The following SNAP25 variants were observed in gnomAD, a reference collection of about 807,000 sequenced individuals.
SNAP25 encodes the protein synaptosomal-associated protein 25.
SNAP25 carries 3 observed loss-of-function variants against 28.7 expected under a neutral mutation model. The ratio of observed to expected loss-of-function variants is 0.10; its 90% CI spans 0.05 to 0.27. The LOEUF (loss-of-function observed/expected upper bound fraction) is 0.27. Ranked by LOEUF, SNAP25 falls within the 10% of genes least tolerant of loss-of-function variation. The probability of loss-of-function intolerance (pLI) is 1.00; values close to 1 mark genes in which losing one functional copy is unlikely to be tolerated. For missense variants in SNAP25, 117 were observed against 278.7 expected (o/e 0.42, Z 4.13); for synonymous variants, 61 against 88.1 (o/e 0.69, Z 1.72).
chr20:10,277,777 A>G (rs776216639), intron 3 of SNAP25, 51 bp downstream of exon 3: 1 of 1,511,320 alleles, frequency 6.6e-7, no homozygotes, highest in South Asian at 1.1e-5. Context: ...TTATGCTGAT[A>G]CATCCTTTCC....
Position 10,293,062 on chromosome 20 carries a change from T to G in SNAP25, c.164-99T>G. The G allele has an allele frequency of 3.4e-6, 5 of 1,456,876 alleles. No individual in the cohort carries two copies. Among genetic ancestry groups the G allele is most frequent in the Non-Finnish European group, 4.7e-6 (5 of 1,070,138 alleles). 90.2% of individuals were successfully genotyped at this position (1,456,876 alleles called of 1,614,324 possible). A position where few individuals can be genotyped will look rare whatever the true frequency, so the allele number is the denominator to read the frequency against. ...GTTTTCTTTCTTTTTTTTTTTTTCT[T>G]TTTTAATGTCAAAGTGAATGTCTGA... On this transcript the variant is annotated intron_variant, in intron 4 of 7. Coordinates refer to ENST00000254976, the MANE Select transcript of SNAP25 (RefSeq NM_130811.4). This position sits in a 1 kb window ranked among gnomAD's most constrained non-coding sequence, Gnocchi z 5.6.
intron 4 of SNAP25, among the ~76,000 whole-genome samples, chr20:10,285,993 A>G (rs1044378459): frequency 2.0e-5 from 3 of 152,200 alleles, no homozygotes; most frequent in Non-Finnish European, 2.9e-5. Context: ...TAATTTGAAA[A>G]TATCTTCACA....
In SNAP25 at chr20:10,254,712, T is replaced by C. The variant is rs181204806; in HGVS notation, c.-63-20717T>C. ...AAACCAGATGGGAAGACACAGGCCT[T>C]GCGGTAAATGGAGAAAACAGCAATT... is the stretch of plus-strand genomic sequence containing the variant. On this transcript the variant is annotated intron_variant, in intron 1 of 7. Coordinates refer to ENST00000254976, the MANE Select transcript of SNAP25 (RefSeq NM_130811.4). Among the ~76,000 whole-genome samples, 7 of 152,278 alleles carry C rather than the reference T, an allele frequency of 4.6e-5. No individual in the cohort carries two copies. In the East Asian group the frequency reaches 1.4e-3, roughly 29 times the overall value.
At chr20:10,260,698 CACACACACACACACACACACACACAA>C (rs2063396182) in intron 1 of SNAP25, among the ~76,000 whole-genome samples, 1 of 41,726 alleles carries the variant, frequency 2.4e-5, no homozygotes, top group Non-Finnish European at 4.7e-5. Flanking sequence ...TACACACACA[CACACACACACACACACACACACACAA>C]ACACACACAC....
At chr20:10,301,890 T>TTA (rs199655868) in intron 7 of SNAP25, among the ~76,000 whole-genome samples, 5,515 of 139,424 alleles carry the variant, frequency 0.04, 245 homozygotes, top group African/African-American at 0.12. Flanking sequence ...AATATATATA[T>TTA]TATATGTATA....
At chr20:10,252,947 T>C (rs2063257828) in intron 1 of SNAP25, among the ~76,000 whole-genome samples, 1 of 152,040 alleles carries the variant, frequency 6.6e-6, no homozygotes, top group African/African-American at 2.4e-5. Context: ...ATAATAGATC[T>C]CTGTTTCATA....
rs1011897745 is a variant in SNAP25, at chr20:10,276,261, C to A, written c.72+698C>A. On this transcript the variant is annotated intron_variant, in intron 2 of 7. Coordinates refer to ENST00000254976, the MANE Select transcript of SNAP25 (RefSeq NM_130811.4). Reference sequence around the variant, plus strand: ...GCCAAGAGTTCATGACCAGCCTGAGCAACATAGAGAGACTCCCATCTCTAA... The same window carrying A: ...GCCAAGAGTTCATGACCAGCCTGAGAAACATAGAGAGACTCCCATCTCTAA... Among the ~76,000 whole-genome samples the A allele has an allele frequency of 2.0e-5, 3 of 152,084 alleles. No homozygotes were observed. The South Asian group carries it at 6.3e-4, about 32-fold the overall frequency.
chr20:10,279,515 A>C (rs1010448350), intron 3 of SNAP25, among the ~76,000 whole-genome samples: 4 of 152,322 alleles, frequency 2.6e-5, no homozygotes, highest in African/African-American at 9.6e-5. Flanking sequence ...AAAACAAATG[A>C]ATCAGAACGC....
chr20:10,259,009 T>C (rs1390627419), intron 1 of SNAP25, among the ~76,000 whole-genome samples: 1 of 152,182 alleles, frequency 6.6e-6, no homozygotes, highest in Non-Finnish European at 1.5e-5. Context: ...TTTAACTGCT[T>C]AGTAGGTTGG....
intron 1 of SNAP25, among the ~76,000 whole-genome samples, chr20:10,265,546 T>C (rs886918370): frequency 6.6e-6 from 1 of 152,216 alleles, no homozygotes; most frequent in African/African-American, 2.4e-5. Context: ...TTCTAATAAC[T>C]ATCTTCTCTT....
chr20:10,254,133 G>C (rs363051), intron 1 of SNAP25, among the ~76,000 whole-genome samples: 1 of 152,204 alleles, frequency 6.6e-6, no homozygotes, highest in Non-Finnish European at 1.5e-5. Flanking sequence ...CCATTGCATA[G>C]CTTCTGCATG....
chr20:10,300,447 T>C (rs1211419788), intron 7 of SNAP25, among the ~76,000 whole-genome samples: 1 of 152,190 alleles, frequency 6.6e-6, no homozygotes, highest in Non-Finnish European at 1.5e-5. Flanking sequence ...CTACTCAATG[T>C]GGGTAACTTA....
intron 1 of SNAP25, among the ~76,000 whole-genome samples, chr20:10,257,542 G>A (rs549852051): frequency 2.2e-4 from 33 of 152,206 alleles, no homozygotes; most frequent in South Asian, 6.2e-4. Context: ...GAGAAACCCC[G>A]TCTCTACTAA....
chr20:10,256,209 AGTTT>A (rs1410147214), intron 1 of SNAP25, among the ~76,000 whole-genome samples: 1 of 152,234 alleles, frequency 6.6e-6, no homozygotes, highest in African/African-American at 2.4e-5. Flanking sequence ...TACTTAAACT[AGTTT>A]GTTAGTAGTT....
At chr20:10,297,624 A>G (rs763814569) in intron 6 of SNAP25, among the ~76,000 whole-genome samples, 2 of 152,246 alleles carry the variant, frequency 1.3e-5, no homozygotes, top group African/African-American at 2.4e-5. Context: ...TGATTATCAG[A>G]ACCCAGCAAT....
At chr20:10,247,255 C>G (rs2063145494) in intron 1 of SNAP25, among the ~76,000 whole-genome samples, 1 of 152,222 alleles carries the variant, frequency 6.6e-6, no homozygotes, top group African/African-American at 2.4e-5. Context: ...TGACCAACAA[C>G]AGAGTGGTCA....
At chr20:10,270,963 T>C (rs901249484) in intron 1 of SNAP25, among the ~76,000 whole-genome samples, 1 of 152,206 alleles carries the variant, frequency 6.6e-6, no homozygotes, top group African/African-American at 2.4e-5. Context: ...TCAGACCCTT[T>C]GCTAATAAGC....
chr20:10,291,422 T>C (rs2063995912), intron 4 of SNAP25, among the ~76,000 whole-genome samples: 1 of 152,206 alleles, frequency 6.6e-6, no homozygotes, highest in South Asian at 2.1e-4. Flanking sequence ...CCTGTATTTA[T>C]TCGGCAAAAG....
chr20:10,258,279 T>C (rs2063355074), intron 1 of SNAP25, among the ~76,000 whole-genome samples: 1 of 152,242 alleles, frequency 6.6e-6, no homozygotes, highest in Non-Finnish European at 1.5e-5. Context: ...TCCAGTATTA[T>C]GTATGAATTC....
Sources: allele counts gnomAD v4.1 joint callset (sites outside exome capture counted in the v4.1 genomes callset), GRCh38; gene constraint gnomAD v4.1.1; non-coding constraint Gnocchi (gnomAD v3.1); transcripts MANE v1.5; gene names NCBI Gene and HGNC (gene_info 2026-07-23, HGNC 2026-07-21).